Variants in HDAC2 observed in about 807,000 individuals in gnomAD.
HDAC2 encodes the protein YY1-associated factor 1.
HDAC2 carries 5 observed loss-of-function variants against 68.5 expected under a neutral mutation model. That is an observed-to-expected ratio of 0.07 (90% CI 0.04 to 0.15). The LOEUF is 0.15. Among genes scored for constraint, HDAC2 ranks in the 10% least tolerant of loss-of-function variants. The pLI is 1.00. For missense variants in HDAC2, 291 were observed against 600.8 expected (o/e 0.48, Z 5.39); for synonymous variants, 182 against 191.3 (o/e 0.95, Z 0.40).
At chr6:113,962,055 C>A (rs1376953262) in intron 1 of HDAC2, among the ~76,000 whole-genome samples, 1 of 150,058 alleles carries the variant, frequency 6.7e-6, no homozygotes, top group African/African-American at 2.5e-5. Flanking sequence ...TAATTGGAGA[C>A]TACAGTAGCA....
In HDAC2 at chr6:113,935,915, CACTATA is replaced by C. The variant is rs551888408; in HGVS notation, c.*5137_*5142del. On this transcript the variant is annotated 3_prime_UTR_variant, in exon 14 of 14. Coordinates refer to ENST00000519065, the MANE Select transcript of HDAC2 (RefSeq NM_001527.4). Reference sequence around the variant, plus strand: ...ACCCAATGCCCCTGAATATTAACTTCACTATAACTATAATTCCTAGAAATAAATTTC... The same window carrying C: ...ACCCAATGCCCCTGAATATTAACTTCACTATAATTCCTAGAAATAAATTTC... 1.1e-3 allele frequency: 172 copies of C among 152,312 alleles called. No individual in the cohort carries two copies. Among genetic ancestry groups the C allele is most frequent in the African/African-American group, 3.3e-3 (136 of 41,572 alleles). 9.4% of individuals were successfully genotyped at this position (152,312 alleles called of 1,614,324 possible).
At chr6:113,970,706 A>C in intron 1 of HDAC2, 151 bp downstream of exon 1, 1 of 1,389,818 alleles carries the variant, frequency 7.2e-7, no homozygotes, top group South Asian at 1.6e-5. Flanking sequence ...TCTCGTTCTA[A>C]CTGTGCCGGG....
chr6:113,941,870 A>T (rs1268031825), intron 12 of HDAC2, 105 bp from the exon 13 acceptor site: 2 of 332,646 alleles, frequency 6.0e-6, no homozygotes, highest in East Asian at 1.0e-4. Context: ...AAGTTATGCA[A>T]TCTTATTATT....
At chr6:113,943,539 AAC>A (rs1413590449) in intron 11 of HDAC2, 33 bp from the exon 12 acceptor site, 3 of 1,554,108 alleles carry the variant, frequency 1.9e-6, no homozygotes, top group South Asian at 1.2e-5. Context: ...TTTTGACAAA[AAC>A]AGTCACAGGT....
chr6:113,944,214 G>A, intron 11 of HDAC2, 66 bp downstream of exon 11: 1 of 1,332,370 alleles, frequency 7.5e-7, no homozygotes, highest in Non-Finnish European at 1.1e-6. Flanking sequence ...GAAGTTCTTA[G>A]GCCACTAAAA....
At chr6:113,960,094 A>G in intron 1 of HDAC2, 76 bp from the exon 2 acceptor site, 1 of 777,252 alleles carries the variant, frequency 1.3e-6, no homozygotes, top group South Asian at 1.5e-5. Context: ...ATGTATGTCT[A>G]TCATTAGAAG....
chr6:113,962,963 CAAAAAAA>C (rs796684838), intron 1 of HDAC2, among the ~76,000 whole-genome samples: 1 of 62,646 alleles, frequency 1.6e-5, no homozygotes, highest in South Asian at 5.5e-4. Flanking sequence ...GACTCTGTAT[CAAAAAAA>C]AAAAAAAAAA....
Position 113,939,719 on chromosome 6 carries a change from A to T in HDAC2, c.*1339T>A, listed in dbSNP as rs963778319. The T allele has an allele frequency of 6.6e-6, 1 of 152,176 alleles. No individual in the cohort carries two copies. Among genetic ancestry groups the T allele is most frequent in the Non-Finnish European group, 1.5e-5 (1 of 68,022 alleles). 9.4% of individuals were successfully genotyped at this position (152,176 alleles called of 1,614,324 possible). ...GAGGATTACAAACGACAAAGTACAC[A>T]AAGAGAGCTTCAATTTCGGTGTATT... On this transcript the variant is annotated 3_prime_UTR_variant, in exon 14 of 14. Transcript: ENST00000519065.
At chr6:113,959,278 A>G (rs1265546140) in intron 2 of HDAC2, among the ~76,000 whole-genome samples, 1 of 152,174 alleles carries the variant, frequency 6.6e-6, no homozygotes, top group East Asian at 1.9e-4. Flanking sequence ...CTCTTCTCTA[A>G]ATGTCTACAT....
rs1444825537 is a variant in HDAC2, at chr6:113,939,069, A to G, written c.*1989T>C. The G allele has an allele frequency of 6.6e-6, 1 of 152,142 alleles. No homozygotes were observed. The highest frequency in any genetic ancestry group is 1.5e-5 in the Non-Finnish European group (1 of 68,036). 9.4% of individuals were successfully genotyped at this position (152,142 alleles called of 1,614,324 possible). A position where few individuals can be genotyped will look rare whatever the true frequency, so the allele number is the denominator to read the frequency against. ...GGTAGATCAGAATATTAAATGAAAA[A>G]AAGCAAAGGGCCTTTGTCTCCTGGC... On this transcript the variant is annotated 3_prime_UTR_variant, in exon 14 of 14. Coordinates refer to ENST00000519065, the MANE Select transcript of HDAC2 (RefSeq NM_001527.4).
At chr6:113,943,253 T>C (rs1776183015) in intron 12 of HDAC2, 98 bp downstream of exon 12, 3 of 871,196 alleles carry the variant, frequency 3.4e-6, no homozygotes, top group Non-Finnish European at 5.3e-6. Context: ...TTCCTCCTGA[T>C]ACCTGTGCAA....
At chr6:113,964,939 T>G (rs1272201498) in intron 1 of HDAC2, among the ~76,000 whole-genome samples, 1 of 152,234 alleles carries the variant, frequency 6.6e-6, no homozygotes, top group Non-Finnish European at 1.5e-5. Flanking sequence ...ATCAAAAAGT[T>G]CTATTGGTTT....
chr6:113,949,120 A>C, intron 7 of HDAC2, 33 bp from the exon 8 acceptor site: 1 of 1,603,442 alleles, frequency 6.2e-7, no homozygotes, highest in Non-Finnish European at 8.5e-7. Flanking sequence ...TAGCATCTCC[A>C]ATAACATTCT....
rs1776015213 is a variant in HDAC2 at position 113,936,991 on chromosome 6, A to G, written c.*4067T>C. The G allele has an allele frequency of 1.3e-5, 2 of 151,000 alleles. No individual in the cohort carries two copies. Among genetic ancestry groups the G allele is most frequent in the South Asian group, 4.2e-4 (2 of 4,790 alleles). 9.4% of individuals were successfully genotyped at this position (151,000 alleles called of 1,614,324 possible). On this transcript the variant is annotated 3_prime_UTR_variant, in exon 14 of 14. Coordinates refer to ENST00000519065, the MANE Select transcript of HDAC2 (RefSeq NM_001527.4). Reference sequence around the variant, plus strand: ...TGGGCAACAGAGTGAGACTCTTTCAAAAAAAAAAGAAAAAAAAATAGCAGC... The same window carrying G: ...TGGGCAACAGAGTGAGACTCTTTCAGAAAAAAAAGAAAAAAAAATAGCAGC...
chr6:113,957,479 C>T (rs530629784), intron 3 of HDAC2, among the ~76,000 whole-genome samples: 1 of 150,008 alleles, frequency 6.7e-6, no homozygotes, highest in South Asian at 2.1e-4. Context: ...ACAGAGAGAT[C>T]ATAATCTTTT....
intron 1 of HDAC2, 176 bp downstream of exon 1, chr6:113,970,681 G>A (rs1425903928): frequency 7.4e-7 from 1 of 1,356,876 alleles, no homozygotes; most frequent in Admixed American, 3.8e-5. Context: ...CGCGGGGGCT[G>A]CGCCAGGAAG....
At position 113,971,030 on chromosome 6, in the gene HDAC2, G is replaced by C. The variant is rs373545886; in HGVS notation, c.-122C>G. 6 of 1,574,762 alleles carry C rather than the reference G, an allele frequency of 3.8e-6. No individual in the cohort carries two copies. The African/African-American group carries it at 6.7e-5, about 18-fold the overall frequency. ...GGAAACGTGGGGGCGATAGTCCCGC[G>C]GGGAAGGGCAGGCCGGTGGGAGGAG... On this transcript the variant is annotated 5_prime_UTR_variant, in exon 1 of 14. Transcript: ENST00000519065.
intron 1 of HDAC2, among the ~76,000 whole-genome samples, chr6:113,965,322 C>T (rs1776785798): frequency 6.6e-6 from 1 of 151,614 alleles, no homozygotes; most frequent in Admixed American, 6.6e-5. Context: ...CAGGTCTTCC[C>T]TTTTCTGATT....
intron 6 of HDAC2, among the ~76,000 whole-genome samples, chr6:113,950,657 A>G (rs954598833): frequency 9.8e-5 from 12 of 121,834 alleles, no homozygotes; most frequent in African/African-American, 3.8e-4. Flanking sequence ...CAGCCTCCCA[A>G]AGTGCTGGGA....
Sources: allele counts gnomAD v4.1 joint callset (sites outside exome capture counted in the v4.1 genomes callset), GRCh38; gene constraint gnomAD v4.1.1; transcripts MANE v1.5; gene names NCBI Gene and HGNC (gene_info 2026-07-23, HGNC 2026-07-21).